The following ATP4B variants were observed in gnomAD, a reference collection of about 807,000 sequenced individuals.
ATP4B encodes ATPase H+/K+ transporting subunit beta.
ATP4B carries 27 observed loss-of-function variants against 35.3 expected under a neutral mutation model. That is an observed-to-expected ratio of 0.76 (90% CI 0.56 to 1.05). The LOEUF is 1.05. Ranked by LOEUF, ATP4B falls within the 50% of genes least tolerant of loss-of-function variation. ATP4B has a pLI of 0.00. For missense variants in ATP4B, 375 were observed against 384.8 expected (o/e 0.97, Z 0.21); for synonymous variants, 162 against 156.0 (o/e 1.04, Z -0.29).
chr13:113,658,187 T>C lies in ATP4B; in HGVS notation c.-43A>G. ...CCTCCCGTCTGCTCCCTGCACCCTC[T>C]ACGCCCAGACTGAGGCCAGATGCCC... is the stretch of plus-strand genomic sequence containing the variant. On this transcript the variant is annotated 5_prime_UTR_variant, in exon 1 of 7. Coordinates refer to ENST00000335288, the MANE Select transcript of ATP4B (RefSeq NM_000705.4). The C allele has an allele frequency of 6.4e-7, 1 of 1,564,852 alleles. No individual in the cohort carries two copies. Among genetic ancestry groups the C allele is most frequent in the South Asian group, 1.1e-5 (1 of 87,070 alleles).
In ATP4B at chr13:113,653,437, G is replaced by GGA; in HGVS notation, c.242-5_242-4dup. On this transcript the variant is annotated splice_region_variant and splice_polypyrimidine_tract_variant and intron_variant, in intron 2 of 6. Coordinates refer to ENST00000335288, the MANE Select transcript of ATP4B (RefSeq NM_000705.4). Reference sequence around the variant, plus strand: ...AACATCCGGCCTTAAGGTTACCCCTGGAGAGAGAGACCTTTGTGCTTAGCG... The same window carrying GGA: ...AACATCCGGCCTTAAGGTTACCCCTGGAGAGAGAGAGACCTTTGTGCTTAGCG... 6.2e-7 allele frequency: 1 copy of GGA among 1,612,000 alleles called. No individual in the cohort carries two copies. The highest frequency in any genetic ancestry group is 8.5e-7 in the Non-Finnish European group (1 of 1,178,000).
intron 4 of ATP4B, 89 bp from the exon 5 acceptor site, chr13:113,651,816 C>T (rs530436943): frequency 4.9e-5 from 72 of 1,483,786 alleles, no homozygotes; most frequent in African/African-American, 1.8e-4. Context: ...GAGATCTGGC[C>T]GGCCCCAGCC....
In ATP4B at chr13:113,652,895, C is replaced by G; in HGVS notation, c.533G>C (p.Cys178Ser). ...CACCCTGTTCATTTTAATAATAAAA[C>G]ATGGCTTTCCTTCTTCAAAGCCGAA... Reference protein sequence around the residue: ...PNFGFEEGKPCFIIKMNRIVK... With the variant: ...PNFGFEEGKPSFIIKMNRIVK... Residue 178 changes from cysteine (C) to serine (S), a missense_variant, in exon 4 of 7, where the codon TGT (cysteine) becomes TCT (serine). By Grantham distance (112) the Cys-to-Ser change is moderately radical. Transcript: ENST00000335288. 6.2e-7 allele frequency: 1 copy of G among 1,614,208 alleles called. No homozygotes were observed. The highest frequency in any genetic ancestry group is 8.5e-7 in the Non-Finnish European group (1 of 1,180,026).
At position 113,658,067 on chromosome 13, in the gene ATP4B, C is replaced by A; in HGVS notation, c.78G>T (p.Thr26=). The change falls in exon 1 of 7, where the codon ACG becomes ACT. Residue 26 remains threonine (T), a synonymous_variant. Transcript: ENST00000335288. ...EFQRYCWNPD[T]GQMLGRTLSR... is the part of the protein sequence containing the mutation. ...ACAGGGTGCGGCCCAGCATCTGCCC[C>A]GTGTCCGGGTTCCAGCAGTAACGCT... 1.9e-6 allele frequency: 3 copies of A among 1,610,178 alleles called. No homozygotes were observed. The highest frequency in any genetic ancestry group is 2.5e-6 in the Non-Finnish European group (3 of 1,178,902).
intron 1 of ATP4B, among the ~76,000 whole-genome samples, chr13:113,657,559 C>T (rs1449049658): frequency 6.6e-6 from 1 of 152,220 alleles, no homozygotes; most frequent in Admixed American, 6.5e-5. Flanking sequence ...CAGGCTGAGG[C>T]AGGCCTGGTT....
chr13:113,653,297 C>T (rs1354998498), intron 3 of ATP4B, 24 bp downstream of exon 3: 3 of 1,609,586 alleles, frequency 1.9e-6, no homozygotes, highest in East Asian at 4.5e-5. Flanking sequence ...CGCTTCACAC[C>T]TCACCTGCCG....
chr13:113,650,586 T>C lies in ATP4B; in HGVS notation c.613-79A>G, dbSNP rs1171453957. ...TCTGTGTGTTGCGTTTGTGTGCGTG[T>C]GTGCACACACGCGCTGTGTAGGTGC... On this transcript the variant is annotated intron_variant, in intron 5 of 6. Transcript: ENST00000335288. The surrounding 1 kb of genome is among the most constrained non-coding windows in gnomAD (Gnocchi z 5.0). 3.6e-6 allele frequency: 4 copies of C among 1,120,178 alleles called. No homozygotes were observed. The African/African-American group carries it at 6.2e-5, about 17-fold the overall frequency. The allele number at this position is 1,120,178 out of a possible 1,614,324, so 69.4% of individuals were successfully genotyped here. A position where few individuals can be genotyped will look rare whatever the true frequency, so the allele number is the denominator to read the frequency against.
rs755079520 is a variant in ATP4B, at chr13:113,650,225, A to G, written c.714+181T>C. Among the ~76,000 whole-genome samples, 4 of 151,934 alleles carry G rather than the reference A, an allele frequency of 2.6e-5. No homozygotes were observed. Among genetic ancestry groups the G allele is most frequent in the African/African-American group, 9.7e-5 (4 of 41,324 alleles). On this transcript the variant is annotated intron_variant, in intron 6 of 6. Transcript: ENST00000335288. This position sits in a 1 kb window ranked among gnomAD's most constrained non-coding sequence, Gnocchi z 5.0. ...TTGTATTTTCATGTTGCGTGAGAGG[A>G]ATGTTTCCAGGTAGATACAAGAACC...
intron 4 of ATP4B, among the ~76,000 whole-genome samples, chr13:113,652,039 C>G (rs2049716498): frequency 6.6e-6 from 1 of 152,178 alleles, no homozygotes; most frequent in African/African-American, 2.4e-5. Flanking sequence ...TGTCCAGGTC[C>G]GGTGGAGCAC....
At chr13:113,654,739 C>G in intron 2 of ATP4B, 75 bp downstream of exon 2, 1 of 1,533,306 alleles carries the variant, frequency 6.5e-7, no homozygotes, top group East Asian at 2.4e-5. Flanking sequence ...CACGGGTCCC[C>G]CGGGCGTCTC....
In ATP4B at chr13:113,649,354, G is replaced by A; in HGVS notation, c.*20C>T. 1.9e-6 allele frequency: 3 copies of A among 1,584,196 alleles called. No homozygotes were observed. The highest frequency in any genetic ancestry group is 1.7e-6 in the Non-Finnish European group (2 of 1,163,868). On this transcript the variant is annotated 3_prime_UTR_variant, in exon 7 of 7. Transcript: ENST00000335288. This position sits in a 1 kb window ranked among gnomAD's most constrained non-coding sequence, Gnocchi z 4.7. ...TTGAGCGACCCCGCAGGCGTGCCCA[G>A]GACCCCTGCGCAAACCGTTTCACTT...
At position 113,658,024 on chromosome 13, in the gene ATP4B, C is replaced by G. The variant is rs186455456; in HGVS notation, c.112+9G>C. On this transcript the variant is annotated intron_variant, in intron 1 of 6. Transcript: ENST00000335288. Reference sequence around the variant, plus strand: ...CCATGCACCCAGCCGGCCCGCCCCCCGCACGTACCCCACCGGGACAGGGTG... The same window carrying G: ...CCATGCACCCAGCCGGCCCGCCCCCGGCACGTACCCCACCGGGACAGGGTG... The G allele has an allele frequency of 7.9e-5, 125 of 1,591,188 alleles. 1 individual carries two copies. Among genetic ancestry groups the G allele is most frequent in the South Asian group, 6.8e-4 (60 of 88,748 alleles).
chr13:113,651,786 C>G, intron 4 of ATP4B, 59 bp from the exon 5 acceptor site: 1 of 1,578,100 alleles, frequency 6.3e-7, no homozygotes, highest in Admixed American at 1.8e-5. Context: ...GTGAGGTGCA[C>G]GGCACCCACC....
chr13:113,651,922 C>T (rs1284620756), intron 4 of ATP4B, among the ~76,000 whole-genome samples, 195 bp from the exon 5 acceptor site: 1 of 152,200 alleles, frequency 6.6e-6, no homozygotes, highest in East Asian at 1.9e-4. Context: ...TCATTCAGAG[C>T]CACAGCCCTC....
In ATP4B at chr13:113,653,343, C is replaced by G. The variant is rs777976903; in HGVS notation, c.333G>C (p.Gln111His). 5 of 1,614,116 alleles carry G rather than the reference C, an allele frequency of 3.1e-6. No individual in the cohort carries two copies. The highest frequency in any genetic ancestry group is 1.7e-5 in the Admixed American group (1 of 60,020). ...SDNRTWADLTQTLHAFLAGYS... is the reference protein window; with the variant it reads ...SDNRTWADLTHTLHAFLAGYS... ...CACCTGCTAGGAAGGCGTGGAGAGTCTGTGTGAGGTCTGCCCAGGTTCTGT... is the reference window on the plus strand; with the variant it reads ...CACCTGCTAGGAAGGCGTGGAGAGTGTGTGTGAGGTCTGCCCAGGTTCTGT... The change falls in exon 3 of 7, where the codon CAG becomes CAC. Residue 111 changes from glutamine (Q) to histidine (H), a missense_variant. Physicochemically the swap from Gln to His is conservative, Grantham distance 24. Coordinates refer to ENST00000335288, the MANE Select transcript of ATP4B (RefSeq NM_000705.4).
At chr13:113,655,069 C>T (rs370158945) in intron 1 of ATP4B, 127 bp from the exon 2 acceptor site, 4 of 1,310,832 alleles carry the variant, frequency 3.1e-6, no homozygotes, top group East Asian at 5.0e-5. Flanking sequence ...CATTCTCCTC[C>T]CCCAAAACAG....
intron 2 of ATP4B, among the ~76,000 whole-genome samples, chr13:113,653,900 T>C (rs1450988044): frequency 1.3e-5 from 2 of 152,210 alleles, no homozygotes; most frequent in Non-Finnish European, 2.9e-5. Context: ...ACTTTCCCGA[T>C]GTGAACCGTC....
rs967504109 is a variant in ATP4B at position 113,653,048 on chromosome 13, T to A, written c.380A>T (p.Asp127Val). ...LAGYSPAAQE[D>V]SINCTSEQYF... The stretch of plus-strand genomic sequence containing the variant: ...CTGCTCGGAGGTGCAGTTGATGCTG[T>A]CCTCCTGGGCTGCTGGAGAGTAGCC... The change falls in exon 4 of 7, where the codon GAC becomes GTC. Residue 127 changes from aspartate (D) to valine (V), a missense_variant. By Grantham distance (152) the Asp-to-Val change is radical. Coordinates refer to ENST00000335288, the MANE Select transcript of ATP4B (RefSeq NM_000705.4). 6 of 1,612,394 alleles carry A rather than the reference T, an allele frequency of 3.7e-6. No individual in the cohort carries two copies. Among genetic ancestry groups the A allele is most frequent in the Non-Finnish European group, 5.1e-6 (6 of 1,178,692 alleles).
rs2049697041 is a variant in ATP4B, at chr13:113,649,669, AGT to A, written c.715-136_715-135del. The A allele has an allele frequency of 9.8e-7, 1 of 1,022,734 alleles. No individual in the cohort carries two copies. Among genetic ancestry groups the A allele is most frequent in the Admixed American group, 3.6e-5 (1 of 27,996 alleles). The allele number at this position is 1,022,734 out of a possible 1,614,324, so 63.4% of individuals were successfully genotyped here. A position where few individuals can be genotyped will look rare whatever the true frequency, so the allele number is the denominator to read the frequency against. The stretch of plus-strand genomic sequence containing the variant: ...TTTTGTGTAAGACTGGCCCTGACCG[AGT>A]GCATGCCCTGGAATTTGCTGAGATA... On this transcript the variant is annotated intron_variant, in intron 6 of 6. Transcript: ENST00000335288. The surrounding 1 kb of genome is among the most constrained non-coding windows in gnomAD (Gnocchi z 4.7).
Sources: allele counts gnomAD v4.1 joint callset (sites outside exome capture counted in the v4.1 genomes callset), GRCh38; gene constraint gnomAD v4.1.1; non-coding constraint Gnocchi (gnomAD v3.1); transcripts MANE v1.5; gene names NCBI Gene and HGNC (gene_info 2026-07-23, HGNC 2026-07-21).